RARB: variants seen among roughly 807,000 people sequenced by gnomAD.
RARB encodes HBV-activated protein.
RARB carries 17 observed loss-of-function variants against 51.9 expected under a neutral mutation model. That is an observed-to-expected ratio of 0.33 (90% CI 0.22 to 0.49). The LOEUF is 0.49. Ranked by LOEUF, RARB falls within the 20% of genes least tolerant of loss-of-function variation. The pLI is 0.99. For synonymous variants in RARB, 215 were observed against 195.4 expected (o/e 1.10, Z -0.84); for missense variants, 369 against 550.8 (o/e 0.67, Z 3.30).
Position 25,501,172 on chromosome 3 carries a change from T to C in RARB, c.307-10T>C, listed in dbSNP as rs759382666. 1 of 1,568,110 alleles carries C rather than the reference T, an allele frequency of 6.4e-7. No individual in the cohort carries two copies. Among genetic ancestry groups the C allele is most frequent in the East Asian group, 2.3e-5 (1 of 42,846 alleles). ...TTACTGAGTTTTTTCATCTTCTTGCTTGCTTGCAGGGCTTTTTCCGCAGAA... is the reference window on the plus strand; with the variant it reads ...TTACTGAGTTTTTTCATCTTCTTGCCTGCTTGCAGGGCTTTTTCCGCAGAA... On this transcript the variant is annotated splice_polypyrimidine_tract_variant and intron_variant, in intron 2 of 7. Transcript: ENST00000330688.
At chr3:24,918,143 A>ATTTGG (rs1443151456) in intron 2 of RARB, among the ~76,000 whole-genome samples, 5 of 152,186 alleles carry the variant, frequency 3.3e-5, no homozygotes, top group African/African-American at 1.2e-4. Flanking sequence ...AAATGCAAAC[A>ATTTGG]ATCCAAATGT....
intron 2 of RARB, among the ~76,000 whole-genome samples, chr3:24,992,595 G>A (rs1401888697): frequency 6.6e-6 from 1 of 152,184 alleles, no homozygotes; most frequent in African/African-American, 2.4e-5. Context: ...GCAGAAAAGT[G>A]TTTTCTCACA....
intron 5 of RARB, among the ~76,000 whole-genome samples, chr3:25,367,689 G>C (rs921028585): frequency 6.6e-6 from 1 of 151,528 alleles, no homozygotes; most frequent in South Asian, 2.1e-4. Context: ...AGCCGCATAT[G>C]GGGGTGTGCA....
chr3:25,151,917 A>AT (rs11318509), intron 4 of RARB, among the ~76,000 whole-genome samples: 125 of 150,828 alleles, frequency 8.3e-4, no homozygotes, highest in Admixed American at 1.2e-3. Flanking sequence ...CTTTTTATAG[A>AT]TTTTTTTTTT....
At chr3:25,326,254 G>C (rs1486196825) in intron 5 of RARB, among the ~76,000 whole-genome samples, 1 of 152,216 alleles carries the variant, frequency 6.6e-6, no homozygotes, top group Non-Finnish European at 1.5e-5. Flanking sequence ...TCAAAAGTGG[G>C]AGGGAGGCTG....
intron 5 of RARB, among the ~76,000 whole-genome samples, chr3:25,350,131 C>G (rs1481005096): frequency 6.6e-6 from 1 of 152,026 alleles, no homozygotes; most frequent in East Asian, 1.9e-4. Flanking sequence ...TGGAACTGGC[C>G]CATCATTGCT....
chr3:25,344,160 T>C (rs963196528), intron 5 of RARB, among the ~76,000 whole-genome samples: 2 of 152,338 alleles, frequency 1.3e-5, no homozygotes, highest in African/African-American at 4.8e-5. Flanking sequence ...TATTAAACTC[T>C]TCATTTCTTC....
intron 5 of RARB, among the ~76,000 whole-genome samples, chr3:25,361,782 C>A (rs895067320): frequency 6.6e-6 from 1 of 152,162 alleles, no homozygotes; most frequent in Non-Finnish European, 1.5e-5. Flanking sequence ...CATTCCAGAC[C>A]CTGTTTGCGT....
chr3:24,969,782 G>A (rs953726867), intron 2 of RARB, among the ~76,000 whole-genome samples: 1 of 152,074 alleles, frequency 6.6e-6, no homozygotes, highest in Admixed American at 6.6e-5. Flanking sequence ...TAGGAGATGT[G>A]GAGAAGATGT....
chr3:25,209,568 G>A (rs1441305916), intron 5 of RARB, among the ~76,000 whole-genome samples: 1 of 152,154 alleles, frequency 6.6e-6, no homozygotes, highest in Non-Finnish European at 1.5e-5. Flanking sequence ...GCAGACCCAT[G>A]GATACGTGGC....
chr3:25,580,673 C>T lies in RARB; in HGVS notation c.737C>T (p.Thr246Ile), dbSNP rs1248468594. The change falls in exon 5 of 8, where the codon ACC becomes ATC. Residue 246 changes from threonine (T) to isoleucine (I), a missense_variant. This residue lies in a region of RARB where 49 missense variants were observed against 103.4 expected (regional missense o/e 0.47). Coordinates refer to ENST00000330688, the MANE Select transcript of RARB (RefSeq NM_000965.5). The part of the protein sequence containing the change: ...AKRLPGFTGL[T>I]IADQITLLKA... The stretch of plus-strand genomic sequence containing the variant: ...CGTCTGCCTGGTTTCACTGGCTTGA[C>T]CATCGCAGACCAAATTACCCTGCTG... The T allele has an allele frequency of 3.1e-6, 5 of 1,611,734 alleles. No individual in the cohort carries two copies. Among genetic ancestry groups the T allele is most frequent in the East Asian group, 2.2e-5 (1 of 44,836 alleles).
chr3:25,358,800 G>A (rs1705832198), intron 5 of RARB, among the ~76,000 whole-genome samples: 1 of 152,154 alleles, frequency 6.6e-6, no homozygotes, highest in South Asian at 2.1e-4. Flanking sequence ...TGCATATGTT[G>A]AACCAGCCTT....
chr3:24,868,946 G>A (rs1702898478), intron 2 of RARB, among the ~76,000 whole-genome samples: 1 of 152,086 alleles, frequency 6.6e-6, no homozygotes, highest in Non-Finnish European at 1.5e-5. Flanking sequence ...CAATTAAGCT[G>A]TACTCTGACC....
chr3:25,297,817 T>C (rs1575292885), intron 5 of RARB, among the ~76,000 whole-genome samples: 1 of 152,184 alleles, frequency 6.6e-6, no homozygotes, highest in South Asian at 2.1e-4. Context: ...TTTTCAGAAA[T>C]TTTTTGATGT....
intron 5 of RARB, among the ~76,000 whole-genome samples, chr3:25,198,449 A>C (rs1294211480): frequency 6.6e-6 from 1 of 152,164 alleles, no homozygotes; most frequent in Admixed American, 6.6e-5. Context: ...AAACTTCTGC[A>C]CAGAAGAGGA....
chr3:25,020,104 C>CTAT (rs869230918), intron 2 of RARB: 98 of 77,438 alleles, frequency 1.3e-3, no homozygotes, highest in Admixed American at 2.1e-3. Context: ...CTCAAGTTCT[C>CTAT]TATTATTATT....
At chr3:25,143,657 A>T (rs1700144119) in intron 4 of RARB, among the ~76,000 whole-genome samples, 1 of 152,192 alleles carries the variant, frequency 6.6e-6, no homozygotes, top group South Asian at 2.1e-4. Flanking sequence ...GAACCTGAGC[A>T]ACCCCAAACC....
At chr3:25,424,297 T>C (rs763618863), upstream of RARB, among the ~76,000 whole-genome samples, 1 of 152,220 alleles carries the variant, frequency 6.6e-6, no homozygotes, top group Non-Finnish European at 1.5e-5. Context: ...ACAGTCCTGT[T>C]ATGTGAGCAG....
chr3:25,594,354 G>A (rs1024340514), intron 6 of RARB, among the ~76,000 whole-genome samples, 166 bp from the exon 7 acceptor site: 3 of 151,118 alleles, frequency 2.0e-5, no homozygotes, highest in African/African-American at 7.3e-5. Flanking sequence ...GTTTTTTTTT[G>A]TTTTTCAAGT....
Sources: allele counts gnomAD v4.1 joint callset (sites outside exome capture counted in the v4.1 genomes callset), GRCh38; gene constraint gnomAD v4.1.1; regional missense constraint gnomAD v4.1.1; transcripts MANE v1.5; gene names NCBI Gene and HGNC (gene_info 2026-07-23, HGNC 2026-07-21).